Variants in MET observed in about 807,000 individuals in gnomAD.
MET encodes the protein MET proto-oncogene, receptor tyrosine kinase.
A neutral mutation model predicts 133.1 loss-of-function variants in MET; 48 were observed. The observed-to-expected ratio is 0.36, with a 90% confidence interval of 0.29 to 0.46. The LOEUF is 0.46. MET is among the 20% of genes least tolerant of loss of function. The pLI, the probability that MET is intolerant of heterozygous loss-of-function variation, is 1.00. For missense variants in MET, 1,442 were observed against 1,695.9 expected, an observed-to-expected ratio of 0.85 and a Z score of 2.63; for synonymous variants, 628 against 616.5, an observed-to-expected ratio of 1.02 and a Z score of -0.28.
intron 5 of MET, among the ~76,000 whole-genome samples, chr7:116,745,968 G>C (rs553086613): frequency 6.6e-6 from 1 of 152,248 alleles, no homozygotes; most frequent in South Asian, 2.1e-4. Context: ...CACAGCAAAA[G>C]AAACTACCAT....
intron 2 of MET, among the ~76,000 whole-genome samples, chr7:116,704,120 T>C (rs1179721785): frequency 6.6e-6 from 1 of 152,124 alleles, no homozygotes; most frequent in Non-Finnish European, 1.5e-5. Flanking sequence ...ATGTGACTTC[T>C]GCCACATTAC....
chr7:116,750,684 C>A (rs1189533257), intron 5 of MET, among the ~76,000 whole-genome samples: 1 of 152,134 alleles, frequency 6.6e-6, no homozygotes, highest in South Asian at 2.1e-4. Context: ...ATTCATCTGA[C>A]TAAGGGCTAA....
At chr7:116,723,100 C>G (rs1792567076) in intron 2 of MET, among the ~76,000 whole-genome samples, 1 of 136,916 alleles carries the variant, frequency 7.3e-6, no homozygotes, top group African/African-American at 2.8e-5. Flanking sequence ...TCCATTCTCC[C>G]CATCACTTTC....
intron 3 of MET, among the ~76,000 whole-genome samples, chr7:116,738,200 T>C (rs1052873444): frequency 6.6e-6 from 1 of 152,240 alleles, no homozygotes; most frequent in African/African-American, 2.4e-5. Context: ...TTTTTTGTTT[T>C]ACCTTTGCAG....
intron 1 of MET, among the ~76,000 whole-genome samples, chr7:116,692,794 G>T (rs1435600269): frequency 6.6e-6 from 1 of 152,156 alleles, no homozygotes; most frequent in African/African-American, 2.4e-5. Flanking sequence ...AAGAAATAAA[G>T]AAATGTTTTA....
chr7:116,730,066 C>T (rs2116769771), intron 2 of MET, among the ~76,000 whole-genome samples: 1 of 151,340 alleles, frequency 6.6e-6, no homozygotes, highest in East Asian at 2.0e-4. Context: ...TATGGGTACA[C>T]AGGTAAATGA....
intron 2 of MET, among the ~76,000 whole-genome samples, chr7:116,716,533 GAAA>G (rs1792245763): frequency 2.8e-5 from 4 of 140,768 alleles, no homozygotes; most frequent in Admixed American, 7.0e-5. Flanking sequence ...AAGAAAGAAA[GAAA>G]GAAGATATGA....
intron 3 of MET, among the ~76,000 whole-genome samples, chr7:116,733,349 T>C (rs1793094071): frequency 6.9e-6 from 1 of 144,780 alleles, no homozygotes; most frequent in Non-Finnish European, 1.5e-5. Flanking sequence ...TTATTTCTGC[T>C]TTTTTTTTTT....
Position 116,769,677 on chromosome 7 carries a change from T to C in MET, c.2616T>C (p.Gly872=), listed in dbSNP as rs863224378. Residue 872 remains glycine (G), a synonymous_variant, in exon 12 of 21, where the codon GGT becomes GGC. Transcript: ENST00000397752. ...GNDIDPEAVK[G]EVLKVGNKSC... is the part of the protein sequence containing the mutation. ...ATATTGACCCTGAAGCAGTTAAAGG[T>C]GAAGTGTTAAAAGTTGGAAATAAGA... is the stretch of plus-strand genomic sequence containing the variant. The C allele has an allele frequency of 6.2e-7, 1 of 1,609,910 alleles. No individual in the cohort carries two copies. Among genetic ancestry groups the C allele is most frequent in the Non-Finnish European group, 8.5e-7 (1 of 1,179,050 alleles).
intron 1 of MET, among the ~76,000 whole-genome samples, chr7:116,672,892 C>A (rs1562868964): frequency 6.6e-6 from 1 of 152,090 alleles, no homozygotes; most frequent in Non-Finnish European, 1.5e-5. Flanking sequence ...TCAGCCCTTA[C>A]AAAAGGGATC....
intron 2 of MET, among the ~76,000 whole-genome samples, chr7:116,712,481 G>T (rs1792037998): frequency 6.6e-6 from 1 of 152,106 alleles, no homozygotes; most frequent in Admixed American, 6.5e-5. Flanking sequence ...ACATTTATCG[G>T]ATGAGCAAAG....
At chr7:116,693,530 C>T (rs189745349) in intron 1 of MET, among the ~76,000 whole-genome samples, 1 of 152,282 alleles carries the variant, frequency 6.6e-6, no homozygotes, top group African/African-American at 2.4e-5. Context: ...AGCTGCACTG[C>T]CACAACTAAA....
At chr7:116,702,248 CA>C (rs1227639879) in intron 2 of MET, among the ~76,000 whole-genome samples, 2 of 152,138 alleles carry the variant, frequency 1.3e-5, no homozygotes, top group Non-Finnish European at 2.9e-5. Flanking sequence ...AACTTGCCAA[CA>C]TAGTCTTCTT....
chr7:116,797,489 C>G lies in MET; in HGVS notation c.*1365C>G, dbSNP rs1795712787. ...CAATTGAAAATCCCAGCTATTTCACCTAGATGGAATAGCCACCCTGAGCAG... is the reference window on the plus strand; with the variant it reads ...CAATTGAAAATCCCAGCTATTTCACGTAGATGGAATAGCCACCCTGAGCAG... On this transcript the variant is annotated 3_prime_UTR_variant, in exon 21 of 21. Coordinates refer to ENST00000397752, the MANE Select transcript of MET (RefSeq NM_000245.4). 1 of 229,278 alleles carries G rather than the reference C, an allele frequency of 4.4e-6. No homozygotes were observed. 14.2% of individuals were successfully genotyped at this position (229,278 alleles called of 1,614,324 possible). A position where few individuals can be genotyped will look rare whatever the true frequency, so the allele number is the denominator to read the frequency against.
intron 19 of MET, among the ~76,000 whole-genome samples, chr7:116,793,705 C>G (rs567116463): frequency 6.6e-6 from 1 of 151,736 alleles, no homozygotes; most frequent in Non-Finnish European, 1.5e-5. Context: ...TAGAGACCAG[C>G]CTGGCCAACA....
chr7:116,750,181 A>G (rs1402419587), intron 5 of MET, among the ~76,000 whole-genome samples: 1 of 152,016 alleles, frequency 6.6e-6, no homozygotes, highest in African/African-American at 2.4e-5. Context: ...ACTTCAAACT[A>G]TACTACAAGG....
intron 1 of MET, 35 bp downstream of exon 1, chr7:116,672,612 ATCCCTCGCC>A: frequency 2.6e-6 from 1 of 378,448 alleles, no homozygotes; most frequent in Non-Finnish European, 4.7e-6. Context: ...CCAGTACCCA[ATCCCTCGCC>A]TCAGGGGTTC....
chr7:116,719,045 C>G, intron 2 of MET, among the ~76,000 whole-genome samples: 2 of 114,840 alleles, frequency 1.7e-5, no homozygotes, highest in Non-Finnish European at 1.8e-5. Context: ...ATTTCTAGTT[C>G]TAGATCCCTG....
rs780358093 is a variant in MET, at chr7:116,699,206, A to G, written c.122A>G (p.Tyr41Cys). The G allele has an allele frequency of 3.1e-6, 5 of 1,613,972 alleles. No homozygotes were observed. Among genetic ancestry groups the G allele is most frequent in the Non-Finnish European group, 3.4e-6 (4 of 1,179,918 alleles). The change falls in exon 2 of 21, where the codon TAT becomes TGT. Residue 41 changes from tyrosine (Y) to cysteine (C), a missense_variant. Physicochemically the swap from Tyr to Cys is radical, Grantham distance 194 (BLOSUM62 -2). Around this residue, in one of 6 missense-constraint regions of MET, gnomAD observed 762 missense variants for 792.4 expected, o/e 0.96. Transcript: ENST00000397752. Reference protein sequence around the residue: ...AKSEMNVNMKYQLPNFTAETP... With the variant: ...AKSEMNVNMKCQLPNFTAETP... ...TCCGAGATGAATGTGAATATGAAGT[A>G]TCAGCTTCCCAACTTCACCGCGGAA...
Sources: allele counts gnomAD v4.1 joint callset (sites outside exome capture counted in the v4.1 genomes callset), GRCh38; gene constraint gnomAD v4.1.1; regional missense constraint gnomAD v4.1.1; transcripts MANE v1.5; gene names NCBI Gene and HGNC (gene_info 2026-07-23, HGNC 2026-07-21).